The following JMY variants were observed in gnomAD, a reference collection of about 807,000 sequenced individuals.
JMY encodes the protein junction mediating and regulatory protein, p53 cofactor.
Under a neutral mutation model 103.3 loss-of-function variants are expected in JMY, and 46 were observed. The ratio of observed to expected loss-of-function variants is 0.45; its 90% CI spans 0.35 to 0.57. The LOEUF is 0.57. Among genes scored for constraint, JMY ranks in the 20% least tolerant of loss-of-function variants. The pLI is 0.00. For missense variants in JMY, 1,238 were observed against 1,255.2 expected (o/e 0.99, Z 0.21); for synonymous variants, 526 against 489.3 (o/e 1.07, Z -0.99).
chr5:79,283,052 A>G (rs995138183), intron 2 of JMY, among the ~76,000 whole-genome samples: 1 of 151,332 alleles, frequency 6.6e-6, no homozygotes, highest in African/African-American at 2.4e-5. Flanking sequence ...GCTGGAGTGC[A>G]GTGGTGCAGT....
At chr5:79,258,235 TG>T (rs375535486) in intron 1 of JMY, among the ~76,000 whole-genome samples, 2 of 152,182 alleles carry the variant, frequency 1.3e-5, no homozygotes, top group Middle Eastern at 3.4e-3. Context: ...TATTTATCTT[TG>T]AACTAAAAAG....
In JMY at chr5:79,247,644, TTTTG is replaced by T. The variant is rs746089231; in HGVS notation, c.1032+9966_1032+9969del. ...TGCTATCACTTCTATTTCCTTTTTA[TTTTG>T]TTTATTTATTTATTTATTTTTTGAG... On this transcript the variant is annotated intron_variant, in intron 1 of 10. Coordinates refer to ENST00000396137, the MANE Select transcript of JMY (RefSeq NM_152405.5). Among the ~76,000 whole-genome samples, 235 of 151,842 alleles carry T rather than the reference TTTTG, an allele frequency of 1.5e-3. 1 individual carries two copies. Among genetic ancestry groups the T allele is most frequent in the Non-Finnish European group, 2.7e-3 (184 of 67,922 alleles).
At chr5:79,310,200 T>A (rs1561313934) in intron 7 of JMY, among the ~76,000 whole-genome samples, 1 of 151,348 alleles carries the variant, frequency 6.6e-6, no homozygotes, top group Non-Finnish European at 1.5e-5. Flanking sequence ...GTAGCTGGGA[T>A]TACAGGCACA....
intron 1 of JMY, among the ~76,000 whole-genome samples, chr5:79,239,820 AAGAAAAG>A (rs1237760371): frequency 2.0e-5 from 3 of 150,538 alleles, no homozygotes; most frequent in African/African-American, 7.3e-5. Flanking sequence ...AAAAAAAAAA[AAGAAAAG>A]AAAAAGAAAA....
At chr5:79,302,083 CAAAA>C (rs33983370) in intron 6 of JMY, among the ~76,000 whole-genome samples, 2 of 102,592 alleles carry the variant, frequency 1.9e-5, no homozygotes, top group South Asian at 3.9e-4. Flanking sequence ...AACTCCGTCT[CAAAA>C]AAAAAAAAAA....
chr5:79,312,541 T>G, intron 8 of JMY, 43 bp downstream of exon 8: 1 of 1,215,822 alleles, frequency 8.2e-7, no homozygotes. Flanking sequence ...CTTTTTTTTT[T>G]TTTTTTAACA....
chr5:79,273,697 G>A (rs975539560), intron 1 of JMY, among the ~76,000 whole-genome samples: 2 of 152,210 alleles, frequency 1.3e-5, no homozygotes, highest in Non-Finnish European at 2.9e-5. Flanking sequence ...ACTTTGGGAG[G>A]CTGAGGCACT....
intron 1 of JMY, among the ~76,000 whole-genome samples, chr5:79,255,653 G>A (rs1745217634): frequency 6.6e-6 from 1 of 152,242 alleles, no homozygotes; most frequent in African/African-American, 2.4e-5. Context: ...GACACCCCAA[G>A]CCCAATATTG....
intron 1 of JMY, among the ~76,000 whole-genome samples, chr5:79,247,666 T>C (rs1744944473): frequency 6.6e-6 from 1 of 151,636 alleles, no homozygotes; most frequent in African/African-American, 2.4e-5. Flanking sequence ...ATTTATTTAT[T>C]TTTTGAGGCG....
intron 5 of JMY, 126 bp from the exon 6 acceptor site, chr5:79,300,550 C>A (rs897371407): frequency 3.8e-6 from 3 of 786,274 alleles, no homozygotes; most frequent in African/African-American, 1.8e-5. Context: ...TCACCACTTA[C>A]AAAGAAGCTT....
chr5:79,237,041 C>A lies in JMY; in HGVS notation c.391C>A (p.Pro131Thr). ...TCTGGGGGACCCGCGGCTGCGGAGT[C>A]CTGGCAGCAAAGGGGCGGAGAGTCG... is the stretch of plus-strand genomic sequence containing the variant. ...SLLGDPRLRSPGSKGAESRLR... is the reference protein window; with the variant it reads ...SLLGDPRLRSTGSKGAESRLR... The change falls in exon 1 of 11, where the codon CCT (proline) becomes ACT (threonine). Residue 131 changes from proline (P) to threonine (T), a missense_variant. Physicochemically the swap from Pro to Thr is conservative, Grantham distance 38. Coordinates refer to ENST00000396137, the MANE Select transcript of JMY (RefSeq NM_152405.5). 2.0e-6 allele frequency: 3 copies of A among 1,518,040 alleles called. No individual in the cohort carries two copies. Among genetic ancestry groups the A allele is most frequent in the Non-Finnish European group, 2.7e-6 (3 of 1,129,410 alleles). 94.0% of individuals were successfully genotyped at this position (1,518,040 alleles called of 1,614,324 possible). A position where few individuals can be genotyped will look rare whatever the true frequency, so the allele number is the denominator to read the frequency against.
At chr5:79,290,943 C>T (rs960884853) in intron 3 of JMY, among the ~76,000 whole-genome samples, 187 bp from the exon 4 acceptor site, 6 of 152,148 alleles carry the variant, frequency 3.9e-5, no homozygotes, top group Admixed American at 3.9e-4. Flanking sequence ...TGAAATCGCG[C>T]CACTGCACTC....
chr5:79,250,604 A>G (rs1012876029), intron 1 of JMY, among the ~76,000 whole-genome samples: 1 of 150,790 alleles, frequency 6.6e-6, no homozygotes, highest in Non-Finnish European at 1.5e-5. Flanking sequence ...TGTTTATTTA[A>G]TAAATAGATC....
At chr5:79,317,762 G>A (rs1747285542) in intron 10 of JMY, among the ~76,000 whole-genome samples, 1 of 152,126 alleles carries the variant, frequency 6.6e-6, no homozygotes, top group Non-Finnish European at 1.5e-5. Flanking sequence ...GCAGTGGCAC[G>A]TTCATGGCTC....
At position 79,236,647 on chromosome 5, in the gene JMY, C is replaced by T; in HGVS notation, c.-4C>T. On this transcript the variant is annotated 5_prime_UTR_variant, in exon 1 of 11. Transcript: ENST00000396137. ...CTTCCCCGCGGCGAGAAGCCGGAGCCACCATGTCGTTCGCGCTGGAGGAGA... is the reference window on the plus strand; with the variant it reads ...CTTCCCCGCGGCGAGAAGCCGGAGCTACCATGTCGTTCGCGCTGGAGGAGA... 1 of 1,402,262 alleles carries T rather than the reference C, an allele frequency of 7.1e-7. No homozygotes were observed. Among genetic ancestry groups the T allele is most frequent in the Non-Finnish European group, 9.4e-7 (1 of 1,063,220 alleles). The allele number at this position is 1,402,262 out of a possible 1,614,324, so 86.9% of individuals were successfully genotyped here. A position where few individuals can be genotyped will look rare whatever the true frequency, so the allele number is the denominator to read the frequency against.
chr5:79,299,191 G>A (rs908932954), intron 4 of JMY, among the ~76,000 whole-genome samples: 9 of 152,036 alleles, frequency 5.9e-5, no homozygotes, highest in African/African-American at 2.2e-4. Context: ...TGCCCGTATC[G>A]GGGCTTTCCT....
intron 1 of JMY, among the ~76,000 whole-genome samples, chr5:79,250,650 C>CTT (rs200738584): frequency 7.7e-4 from 95 of 122,720 alleles, no homozygotes; most frequent in African/African-American, 1.9e-3. Context: ...AATTATTTTT[C>CTT]TTTTTTTTTT....
At chr5:79,255,644 A>T (rs1745217320) in intron 1 of JMY, among the ~76,000 whole-genome samples, 1 of 152,118 alleles carries the variant, frequency 6.6e-6, no homozygotes, top group South Asian at 2.1e-4. Context: ...GTTTTAGGGG[A>T]CACCCCAAGC....
At chr5:79,262,450 T>C (rs554730485) in intron 1 of JMY, among the ~76,000 whole-genome samples, 2 of 152,354 alleles carry the variant, frequency 1.3e-5, no homozygotes, top group African/African-American at 2.4e-5. Flanking sequence ...TTTATAATTA[T>C]ATCAAGTTAG....
Sources: gnomAD v4.1 joint callset for allele counts (sites outside exome capture counted in the v4.1 genomes callset) on GRCh38, gnomAD v4.1.1 for gene constraint, MANE v1.5 for transcripts, NCBI Gene and HGNC (gene_info 2026-07-23, HGNC 2026-07-21) for gene names.